MRC1: variants seen among roughly 807,000 people sequenced by gnomAD.
MRC1 encodes the protein macrophage mannose receptor 1.
A neutral mutation model predicts 102.9 loss-of-function variants in MRC1; 62 were observed. That is an observed-to-expected ratio of 0.60 (90% CI 0.49 to 0.74). The LOEUF (loss-of-function observed/expected upper bound fraction) is 0.74. Among genes scored for constraint, MRC1 ranks in the 30% least tolerant of loss-of-function variants. MRC1 has a pLI of 0.00. For synonymous variants in MRC1, 457 were observed against 298.4 expected (o/e 1.53, Z -5.48); for missense variants, 1,237 against 862.8 (o/e 1.43, Z -5.43).
intron 3 of MRC1, among the ~76,000 whole-genome samples, chr10:17,828,139 C>G (rs898454529): frequency 6.6e-6 from 1 of 152,122 alleles, no homozygotes; most frequent in South Asian, 2.1e-4. Context: ...TGTGGTGGTG[C>G]GATCTCCACT....
Position 17,823,211 on chromosome 10 carries a change from A to T in MRC1, c.199A>T (p.Met67Leu), listed in dbSNP as rs782197596. ...CCGATGGGTGTCCGAATCTCAGATT[A>T]TGAGTGTTGCATTTAAATTATGCCT... ...KFRWVSESQI[M>L]SVAFKLCLGV... Residue 67 changes from methionine to leucine, a missense_variant, in exon 2 of 30, where the codon ATG (methionine) becomes TTG (leucine). Transcript: ENST00000569591. 3.8e-6 allele frequency: 3 copies of T among 780,738 alleles called. No individual in the cohort carries two copies. The African/African-American group carries it at 5.1e-5, about 13-fold the overall frequency. The allele number at this position is 780,738 out of a possible 1,614,324, so 48.4% of individuals were successfully genotyped here.
At chr10:17,910,140 A>C in intron 29 of MRC1, 75 bp from the exon 30 acceptor site, 1 of 770,648 alleles carries the variant, frequency 1.3e-6, no homozygotes, top group East Asian at 2.4e-5. Context: ...TAGTTTTTCA[A>C]CAAGCGAAGT....
At chr10:17,872,318 A>G (rs1288587063) in intron 15 of MRC1, among the ~76,000 whole-genome samples, 192 bp downstream of exon 15, 1 of 152,216 alleles carries the variant, frequency 6.6e-6, no homozygotes, top group South Asian at 2.1e-4. Flanking sequence ...AGAGAAGATC[A>G]AAAGGCCACC....
intron 4 of MRC1, among the ~76,000 whole-genome samples, chr10:17,834,606 G>T (rs1436997462): frequency 6.6e-6 from 1 of 152,114 alleles, no homozygotes; most frequent in Non-Finnish European, 1.5e-5. Context: ...TAGAGACGGG[G>T]TTTCACTAGG....
intron 26 of MRC1, among the ~76,000 whole-genome samples, chr10:17,903,641 C>G (rs1202244000): frequency 6.6e-6 from 1 of 152,054 alleles, no homozygotes. Context: ...GGTTATCCAC[C>G]TGCCTCGGCT....
chr10:17,850,230 G>C (rs1838893182), intron 7 of MRC1, among the ~76,000 whole-genome samples: 1 of 146,550 alleles, frequency 6.8e-6, no homozygotes, highest in Admixed American at 6.9e-5. Flanking sequence ...ATGCTGGGAG[G>C]GTGTTGAACA....
At chr10:17,870,429 G>A in intron 13 of MRC1, 56 bp downstream of exon 13, 2 of 779,404 alleles carry the variant, frequency 2.6e-6, no homozygotes, top group Non-Finnish European at 4.8e-6. Flanking sequence ...TGCTTATGAA[G>A]TTGAGAAAAT....
At chr10:17,828,183 TCTC>T (rs1346886436) in intron 3 of MRC1, among the ~76,000 whole-genome samples, 2 of 152,136 alleles carry the variant, frequency 1.3e-5, no homozygotes, top group Non-Finnish European at 2.9e-5. Flanking sequence ...TTCACGCCCT[TCTC>T]CTGCCTCAGC....
intron 1 of MRC1, among the ~76,000 whole-genome samples, chr10:17,814,677 CTTTTTTT>C (rs1179816829): frequency 1.8e-4 from 15 of 85,176 alleles, no homozygotes; most frequent in African/African-American, 3.8e-4. Flanking sequence ...TTCCGTCCCT[CTTTTTTT>C]TTTTTTTTTT....
At chr10:17,830,803 C>G (rs1335251941) in intron 3 of MRC1, among the ~76,000 whole-genome samples, 1 of 151,272 alleles carries the variant, frequency 6.6e-6, no homozygotes, top group East Asian at 1.9e-4. Context: ...GCATTTCCTT[C>G]TTACGTCATT....
intron 21 of MRC1, among the ~76,000 whole-genome samples, chr10:17,882,500 C>T (rs1833534164): frequency 6.6e-6 from 1 of 152,068 alleles, no homozygotes; most frequent in Non-Finnish European, 1.5e-5. Context: ...GTTATGTAAG[C>T]TCTCTTTTGG....
chr10:17,857,342 G>A (rs971490544), intron 9 of MRC1, among the ~76,000 whole-genome samples: 12 of 152,100 alleles, frequency 7.9e-5, no homozygotes, highest in African/African-American at 1.4e-4. Flanking sequence ...TCCAGCATAC[G>A]TTCATATTCT....
chr10:17,853,097 G>T lies in MRC1; in HGVS notation c.1380G>T (p.Gln460His). ...RGEPSHENNR[Q>H]EDCVVMKGKD... is the part of the protein sequence containing the mutation. ...AACCAAGCCATGAAAACAACAGACA[G>T]GAGGATTGTGTGGTGATGAAAGGCA... Residue 460 changes from glutamine to histidine, a missense_variant, in exon 8 of 30, where the codon CAG becomes CAT. Physicochemically the swap from Gln to His is conservative, Grantham distance 24. Coordinates refer to ENST00000569591, the MANE Select transcript of MRC1 (RefSeq NM_002438.4). The T allele has an allele frequency of 2.6e-6, 2 of 780,836 alleles. No homozygotes were observed. Among genetic ancestry groups the T allele is most frequent in the East Asian group, 4.8e-5 (2 of 41,258 alleles). 48.4% of individuals were successfully genotyped at this position (780,836 alleles called of 1,614,324 possible).
At chr10:17,870,037 A>C (rs1833332528) in intron 12 of MRC1, among the ~76,000 whole-genome samples, 1 of 152,198 alleles carries the variant, frequency 6.6e-6, no homozygotes, top group African/African-American at 2.4e-5. Context: ...TTTATTTTCT[A>C]AGGTTTTCTC....
intron 1 of MRC1, among the ~76,000 whole-genome samples, chr10:17,810,077 C>A (rs1838200164): frequency 6.6e-6 from 1 of 152,000 alleles, no homozygotes; most frequent in African/African-American, 2.4e-5. Context: ...GAAAGTTCAT[C>A]CTTATCTGTA....
intron 6 of MRC1, among the ~76,000 whole-genome samples, chr10:17,846,295 A>G (rs1838825088): frequency 6.6e-6 from 1 of 152,212 alleles, no homozygotes; most frequent in Admixed American, 6.5e-5. Context: ...AGAATAAACT[A>G]CTAAGGCAAG....
chr10:17,905,157 C>T (rs1293918878), intron 26 of MRC1, among the ~76,000 whole-genome samples: 1 of 152,084 alleles, frequency 6.6e-6, no homozygotes, highest in Non-Finnish European at 1.5e-5. Context: ...CCCATTTTAG[C>T]CTCTCCTGTG....
At chr10:17,868,281 C>T (rs1833306349) in intron 12 of MRC1, among the ~76,000 whole-genome samples, 1 of 152,138 alleles carries the variant, frequency 6.6e-6, no homozygotes, top group East Asian at 1.9e-4. Flanking sequence ...TCTCCCAGCT[C>T]CACATGGCTG....
chr10:17,826,303 AG>A (rs1292004087), intron 2 of MRC1, among the ~76,000 whole-genome samples: 2 of 152,074 alleles, frequency 1.3e-5, no homozygotes, highest in African/African-American at 4.8e-5. Context: ...CCCGGGTTCA[AG>A]CGATTCTCCT....
Sources: gnomAD v4.1 joint callset for allele counts (sites outside exome capture counted in the v4.1 genomes callset) on GRCh38, gnomAD v4.1.1 for gene constraint, MANE v1.5 for transcripts, NCBI Gene and HGNC (gene_info 2026-07-23, HGNC 2026-07-21) for gene names.